Variants in RIMS1 observed in about 807,000 individuals in gnomAD.
The protein encoded by RIMS1 is regulating synaptic membrane exocytosis protein 1.
RIMS1 carries 83 observed loss-of-function variants against 214.1 expected under a neutral mutation model. The ratio of observed to expected loss-of-function variants is 0.39; its 90% CI spans 0.32 to 0.47. The LOEUF is 0.47. Among genes scored for constraint, RIMS1 ranks in the 20% least tolerant of loss-of-function variants. The pLI is 0.99. For synonymous variants in RIMS1, 793 were observed against 786.8 expected (o/e 1.01, Z -0.13); for missense variants, 2,050 against 2,161.8 (o/e 0.95, Z 1.03).
chr6:72,259,911 A>T (rs549273297), intron 18 of RIMS1, among the ~76,000 whole-genome samples: 1 of 152,218 alleles, frequency 6.6e-6, no homozygotes, highest in South Asian at 2.1e-4. Context: ...GTGCTAAATA[A>T]TTTTTCGCCA....
chr6:71,940,282 C>T (rs1785659367), intron 1 of RIMS1, among the ~76,000 whole-genome samples: 1 of 152,166 alleles, frequency 6.6e-6, no homozygotes. Flanking sequence ...TATTACTGTA[C>T]TATCAGCTGG....
intron 29 of RIMS1, 128 bp from the exon 30 acceptor site, chr6:72,390,470 G>T: frequency 9.1e-7 from 1 of 1,094,646 alleles, no homozygotes; most frequent in East Asian, 2.6e-5. Context: ...TACTCCCTTA[G>T]GTTACTATTT....
chr6:72,390,275 C>T (rs2098681809), intron 29 of RIMS1, among the ~76,000 whole-genome samples: 1 of 152,174 alleles, frequency 6.6e-6, no homozygotes, highest in Non-Finnish European at 1.5e-5. Flanking sequence ...TCACCATTAT[C>T]TTTCCACAGA....
chr6:72,317,067 G>T (rs537927203), intron 28 of RIMS1: 8 of 431,340 alleles, frequency 1.9e-5, no homozygotes, highest in Admixed American at 3.4e-5. Context: ...TCTCAGAGGA[G>T]GGCAGGGGTG....
intron 29 of RIMS1, among the ~76,000 whole-genome samples, chr6:72,380,205 C>G (rs1290299553): frequency 6.6e-6 from 1 of 152,064 alleles, no homozygotes; most frequent in Non-Finnish European, 1.5e-5. Flanking sequence ...AATGGGAACA[C>G]TTGGACACAG....
intron 4 of RIMS1, among the ~76,000 whole-genome samples, chr6:72,147,122 A>G (rs573905954): frequency 4.1e-4 from 62 of 152,346 alleles, no homozygotes; most frequent in Middle Eastern, 6.8e-3. Context: ...TTTTTACTTT[A>G]CCAATAATCT....
intron 29 of RIMS1, among the ~76,000 whole-genome samples, chr6:72,355,155 T>C (rs983538466): frequency 6.6e-6 from 1 of 152,176 alleles, no homozygotes; most frequent in African/African-American, 2.4e-5. Flanking sequence ...TAATAATTTT[T>C]GACAAAATGA....
At chr6:72,236,397 G>A (rs1340408357) in intron 8 of RIMS1, among the ~76,000 whole-genome samples, 1 of 152,038 alleles carries the variant, frequency 6.6e-6, no homozygotes, top group African/African-American at 2.4e-5. Flanking sequence ...TCATTTTCTT[G>A]CTTTGAATCT....
intron 2 of RIMS1, among the ~76,000 whole-genome samples, chr6:71,979,202 T>C (rs950583999): frequency 4.6e-5 from 7 of 152,216 alleles, no homozygotes; most frequent in Admixed American, 4.6e-4. Flanking sequence ...AGTTCTACTA[T>C]GTATATGTGT....
intron 7 of RIMS1, among the ~76,000 whole-genome samples, chr6:72,234,331 T>C (rs116453853): frequency 6.6e-6 from 1 of 152,032 alleles, no homozygotes; most frequent in Admixed American, 6.6e-5. Flanking sequence ...AGAAATTGCA[T>C]CATGCTGCAA....
At chr6:72,193,508 T>A (rs916052698) in intron 6 of RIMS1, among the ~76,000 whole-genome samples, 40 of 152,236 alleles carry the variant, frequency 2.6e-4, no homozygotes, top group African/African-American at 9.6e-4. Flanking sequence ...GGAGATTTGC[T>A]TATTTCAAAC....
intron 1 of RIMS1, among the ~76,000 whole-genome samples, chr6:71,953,285 G>A (rs935540701): frequency 1.3e-5 from 2 of 152,066 alleles, no homozygotes; most frequent in African/African-American, 2.4e-5. Context: ...CACCTCGCCC[G>A]GTCAAGGAGC....
intron 1 of RIMS1, among the ~76,000 whole-genome samples, chr6:71,889,090 C>T (rs1768759776): frequency 6.6e-6 from 1 of 152,164 alleles, no homozygotes; most frequent in South Asian, 2.1e-4. Context: ...TTGCTGTTTG[C>T]TGCAGACAGC....
intron 1 of RIMS1, among the ~76,000 whole-genome samples, chr6:71,925,619 A>T (rs952351220): frequency 1.3e-5 from 2 of 152,240 alleles, no homozygotes; most frequent in Admixed American, 1.3e-4. Context: ...TCTAACCACC[A>T]TGTTGGTTGA....
chr6:72,216,520 C>A (rs1222732996), intron 6 of RIMS1: 1 of 985,394 alleles, frequency 1.0e-6, no homozygotes, highest in Non-Finnish European at 1.2e-6. Context: ...TTTCTGGTGC[C>A]AGTTGTCATT....
At chr6:72,305,037 G>C (rs1017403868) in intron 26 of RIMS1, among the ~76,000 whole-genome samples, 39 of 151,592 alleles carry the variant, frequency 2.6e-4, no homozygotes, top group African/African-American at 8.0e-4. Context: ...ATTTGAGGGA[G>C]GTAAAATGAA....
intron 1 of RIMS1, among the ~76,000 whole-genome samples, chr6:71,933,897 T>A (rs1003601944): frequency 3.9e-5 from 6 of 152,156 alleles, no homozygotes; most frequent in Admixed American, 6.6e-5. Context: ...TTAATAATTT[T>A]ATAAAAACAC....
chr6:72,368,909 G>A (rs2098130899), intron 29 of RIMS1, among the ~76,000 whole-genome samples: 1 of 151,936 alleles, frequency 6.6e-6, no homozygotes, highest in African/African-American at 2.4e-5. Context: ...TAAAGGATTG[G>A]TAGGGGAAAC....
chr6:71,915,745 T>C (rs1778189914), intron 1 of RIMS1, among the ~76,000 whole-genome samples: 1 of 152,146 alleles, frequency 6.6e-6, no homozygotes, highest in African/African-American at 2.4e-5. Context: ...TGTATTAGTC[T>C]GTTCTTACAC....
Sources: allele counts gnomAD v4.1 joint callset (sites outside exome capture counted in the v4.1 genomes callset), GRCh38; gene constraint gnomAD v4.1.1; transcripts MANE v1.5; gene names NCBI Gene and HGNC (gene_info 2026-07-23, HGNC 2026-07-21).